The following PEX14 variants were observed in gnomAD, a reference collection of about 807,000 sequenced individuals.
PEX14 encodes peroxisomal biogenesis factor 14.
Under a neutral mutation model 49.5 loss-of-function variants are expected in PEX14, and 15 were observed. That is an observed-to-expected ratio of 0.30 (90% CI 0.20 to 0.47). The LOEUF (loss-of-function observed/expected upper bound fraction) is 0.47, where lower values mean the gene tolerates loss of function less well. Ranked by LOEUF, PEX14 falls within the 20% of genes least tolerant of loss-of-function variation. PEX14 has a pLI of 1.00. For synonymous variants in PEX14, 210 were observed against 212.7 expected (o/e 0.99, Z 0.11); for missense variants, 398 against 494.8 (o/e 0.80, Z 1.86).
Position 10,514,350 on chromosome 1 carries a change from G to T in PEX14, c.84+19029G>T. Among the ~76,000 whole-genome samples the T allele has an allele frequency of 6.6e-6, 1 of 152,286 alleles. No individual in the cohort carries two copies. Among genetic ancestry groups the T allele is most frequent in the Middle Eastern group, 3.4e-3 (1 of 294 alleles). ...TATGTGCGAGCGCCTGTGTACGCAC[G>T]TGGTCGTCACCCGCCAGAAAGATGC... On this transcript the variant is annotated intron_variant, in intron 2 of 8. Coordinates refer to ENST00000356607, the MANE Select transcript of PEX14 (RefSeq NM_004565.3). The surrounding 1 kb of genome is among the most constrained non-coding windows in gnomAD (Gnocchi z 4.4).
At chr1:10,622,198 C>T (rs562672984) in intron 5 of PEX14, among the ~76,000 whole-genome samples, 1 of 152,182 alleles carries the variant, frequency 6.6e-6, no homozygotes, top group African/African-American at 2.4e-5. Context: ...CCTTCCTGAA[C>T]GGCTCCTTCG....
At chr1:10,569,556 C>A (rs554816405) in intron 3 of PEX14, among the ~76,000 whole-genome samples, 1 of 152,300 alleles carries the variant, frequency 6.6e-6, no homozygotes, top group South Asian at 2.1e-4. Flanking sequence ...TTCCTGTCTT[C>A]CAACTTCCAT....
rs1253253399 is a variant in PEX14 at position 10,627,447 on chromosome 1, C to T, written c.677+84C>T. 4 of 917,276 alleles carry T rather than the reference C, an allele frequency of 4.4e-6. No homozygotes were observed. The East Asian group carries it at 7.3e-5, about 17-fold the overall frequency. The allele number at this position is 917,276 out of a possible 1,614,324, so 56.8% of individuals were successfully genotyped here. A position where few individuals can be genotyped will look rare whatever the true frequency, so the allele number is the denominator to read the frequency against. ...TCTGGGGCATGGGAGGGGCATGACG[C>T]CCACCCCCACCCCCAAGGACCCCAT... On this transcript the variant is annotated intron_variant, in intron 8 of 8. Coordinates refer to ENST00000356607, the MANE Select transcript of PEX14 (RefSeq NM_004565.3).
chr1:10,612,132 T>C (rs1641292291), intron 4 of PEX14, among the ~76,000 whole-genome samples: 1 of 152,228 alleles, frequency 6.6e-6, no homozygotes. Context: ...TGCTTTCTTG[T>C]TTAGGTGTGA....
At chr1:10,504,249 C>A (rs749477158) in intron 2 of PEX14, among the ~76,000 whole-genome samples, 1 of 152,022 alleles carries the variant, frequency 6.6e-6, no homozygotes, top group Non-Finnish European at 1.5e-5. Context: ...TAGTTATAAC[C>A]GAGATTTATG....
chr1:10,480,393 T>A (rs1641262867), intron 1 of PEX14, among the ~76,000 whole-genome samples: 1 of 70,924 alleles, frequency 1.4e-5, no homozygotes, highest in Non-Finnish European at 4.3e-5. Flanking sequence ...CTAACTTTTT[T>A]TTTTTTTTTT....
intron 2 of PEX14, among the ~76,000 whole-genome samples, chr1:10,527,672 T>A (rs1053667079): frequency 6.6e-6 from 1 of 151,998 alleles, no homozygotes; most frequent in Non-Finnish European, 1.5e-5. Context: ...ATTTATTTAT[T>A]TTTTTGTTTG....
intron 4 of PEX14, among the ~76,000 whole-genome samples, chr1:10,616,584 G>A (rs183077450): frequency 2.0e-3 from 298 of 152,224 alleles, no homozygotes; most frequent in African/African-American, 6.5e-3. Flanking sequence ...TCCCACCCAC[G>A]CCCCTCCTGA....
intron 1 of PEX14, among the ~76,000 whole-genome samples, chr1:10,480,455 ACAATCTCGGCT>A (rs1641264639): frequency 7.5e-6 from 1 of 133,952 alleles, no homozygotes. Context: ...GTACAGTGGC[ACAATCTCGGCT>A]CACTGCAACC....
intron 2 of PEX14, among the ~76,000 whole-genome samples, chr1:10,498,047 A>G (rs1641600622): frequency 6.6e-6 from 1 of 152,196 alleles, no homozygotes; most frequent in African/African-American, 2.4e-5. Context: ...TGGGAGGCCA[A>G]GGTCGGGGGA....
intron 4 of PEX14, among the ~76,000 whole-genome samples, chr1:10,607,563 T>C (rs1282871996): frequency 2.6e-5 from 4 of 152,232 alleles, no homozygotes; most frequent in African/African-American, 9.6e-5. Context: ...TCTCAGTCTT[T>C]TTAATTTTAG....
chr1:10,554,386 TC>T (rs1263298600), intron 3 of PEX14, among the ~76,000 whole-genome samples: 1 of 151,242 alleles, frequency 6.6e-6, no homozygotes, highest in Non-Finnish European at 1.5e-5. Context: ...AAGGGCAGAC[TC>T]CAAAATGATC....
At chr1:10,506,904 C>T (rs1023194544) in intron 2 of PEX14, among the ~76,000 whole-genome samples, 3 of 152,222 alleles carry the variant, frequency 2.0e-5, no homozygotes, top group African/African-American at 4.8e-5. Context: ...TCAGCAGTGA[C>T]TGAATGTTTA....
At position 10,623,665 on chromosome 1, in the gene PEX14, C is replaced by T. The variant is rs1641660688; in HGVS notation, c.487+544C>T. ...TAAACTTGTTTACTAGACGGCAGCTCTGAATCTAAAAACCAGAGCAAGGCC... is the reference window on the plus strand; with the variant it reads ...TAAACTTGTTTACTAGACGGCAGCTTTGAATCTAAAAACCAGAGCAAGGCC... On this transcript the variant is annotated intron_variant, in intron 6 of 8. Transcript: ENST00000356607. The surrounding 1 kb of genome is among the most constrained non-coding windows in gnomAD (Gnocchi z 4.4). Among the ~76,000 whole-genome samples, 1 of 152,222 alleles carries T rather than the reference C, an allele frequency of 6.6e-6. No homozygotes were observed. The highest frequency in any genetic ancestry group is 6.5e-5 in the Admixed American group (1 of 15,282).
At chr1:10,527,211 C>CAAA (rs35749900) in intron 2 of PEX14, among the ~76,000 whole-genome samples, 45,660 of 116,950 alleles carry the variant, frequency 0.39, 9,537 homozygotes, top group Non-Finnish European at 0.48. Flanking sequence ...GACTCTGTCT[C>CAAA]AAAAAAAAAA....
chr1:10,570,411 C>T (rs762156862), intron 3 of PEX14, among the ~76,000 whole-genome samples: 3 of 152,176 alleles, frequency 2.0e-5, no homozygotes, highest in African/African-American at 4.8e-5. Context: ...TGGCTCACTG[C>T]AATCTCCACC....
At chr1:10,500,794 C>T (rs958631286) in intron 2 of PEX14, among the ~76,000 whole-genome samples, 2 of 152,166 alleles carry the variant, frequency 1.3e-5, no homozygotes, top group Non-Finnish European at 2.9e-5. Context: ...AGGTTGGTCT[C>T]GAACTCCTAG....
intron 4 of PEX14, among the ~76,000 whole-genome samples, chr1:10,606,368 T>C (rs530088158): frequency 2.6e-5 from 4 of 152,340 alleles, no homozygotes; most frequent in African/African-American, 7.2e-5. Flanking sequence ...CTCTTGGAAA[T>C]TGCCCATGTC....
chr1:10,626,211 C>G (rs1486610333), intron 7 of PEX14, among the ~76,000 whole-genome samples: 1 of 152,194 alleles, frequency 6.6e-6, no homozygotes, highest in Non-Finnish European at 1.5e-5. Context: ...GCATCTGGCA[C>G]CATATGCGTT....
Sources: gnomAD v4.1 joint callset for allele counts (sites outside exome capture counted in the v4.1 genomes callset) on GRCh38, gnomAD v4.1.1 for gene constraint, Gnocchi (gnomAD v3.1) non-coding constraint, MANE v1.5 for transcripts, NCBI Gene and HGNC (gene_info 2026-07-23, HGNC 2026-07-21) for gene names.